The following PTPRE variants were observed in gnomAD, a reference collection of about 807,000 sequenced individuals.
PTPRE encodes receptor-type tyrosine-protein phosphatase epsilon.
A neutral mutation model predicts 102.0 loss-of-function variants in PTPRE; 51 were observed. That is an observed-to-expected ratio of 0.50 (90% CI 0.40 to 0.63). The LOEUF (loss-of-function observed/expected upper bound fraction) is 0.63. Ranked by LOEUF, PTPRE falls within the 30% of genes least tolerant of loss-of-function variation. PTPRE has a pLI of 0.00. For missense variants in PTPRE, 752 were observed against 915.1 expected (o/e 0.82, Z 2.30); for synonymous variants, 345 against 348.2 (o/e 0.99, Z 0.10).
chr10:128,070,818 A>G lies in PTPRE; in HGVS notation c.1304A>G (p.Asn435Ser), dbSNP rs758190068. 5 of 1,613,748 alleles carry G rather than the reference A, an allele frequency of 3.1e-6. No individual in the cohort carries two copies. The highest frequency in any genetic ancestry group is 1.6e-4 in the Middle Eastern group (1 of 6,062). ...GLEEEFRKLT[N>S]VRIMKENMRT... ...CCTTCTCTGCTGCAGAAATTGACAA[A>G]TGTCCGGATCATGAAGGAGAACATG... Residue 435 changes from asparagine to serine, a missense_variant, in exon 15 of 21, where the codon AAT becomes AGT. Around this residue, in one of 2 missense-constraint regions of PTPRE, gnomAD observed 636 missense variants for 824.4 expected, o/e 0.77. Coordinates refer to ENST00000254667, the MANE Select transcript of PTPRE (RefSeq NM_006504.6). The surrounding 1 kb of genome is among the most constrained non-coding windows in gnomAD (Gnocchi z 4.8).
intron 1 of PTPRE, among the ~76,000 whole-genome samples, chr10:127,938,934 G>A (rs774604875): frequency 2.6e-5 from 4 of 152,138 alleles, no homozygotes; most frequent in Admixed American, 1.3e-4. Flanking sequence ...CCAGATCTTC[G>A]CTGAAGCAGG....
chr10:128,071,742 G>A (rs1456944043), intron 15 of PTPRE: 1 of 182,406 alleles, frequency 5.5e-6, no homozygotes, highest in Admixed American at 6.0e-5. Flanking sequence ...AGCACTGCAG[G>A]CGAGTAGAGC....
chr10:127,980,924 G>T (rs745431553), intron 1 of PTPRE, among the ~76,000 whole-genome samples: 122 of 152,268 alleles, frequency 8.0e-4, no homozygotes, highest in Middle Eastern at 3.4e-3. Context: ...ATCAAAACAT[G>T]CTTCCACCCT....
intron 2 of PTPRE, among the ~76,000 whole-genome samples, chr10:128,031,139 G>T (rs1168097046): frequency 3.3e-5 from 5 of 152,232 alleles, no homozygotes; most frequent in Non-Finnish European, 1.5e-5. Flanking sequence ...AAGCCAACCA[G>T]CAGGTACTCT....
intron 1 of PTPRE, among the ~76,000 whole-genome samples, chr10:127,913,800 G>A (rs1213844429): frequency 6.6e-6 from 1 of 152,184 alleles, no homozygotes; most frequent in Non-Finnish European, 1.5e-5. Flanking sequence ...TGGCCTCAGA[G>A]GTGGACACCT....
rs1848047814 is a variant in PTPRE, at chr10:128,045,881, G to A, written c.110-1509G>A. 2.0e-5 allele frequency among the ~76,000 whole-genome samples: 3 copies of A among 152,326 alleles called. No homozygotes were observed. The South Asian group carries it at 6.2e-4, about 32-fold the overall frequency. The stretch of plus-strand genomic sequence containing the variant: ...CCAGGGTCACAGACACCTGAGTGTG[G>A]GGGCTGCAGAGGACAGCCAGGCTGC... On this transcript the variant is annotated intron_variant, in intron 3 of 20. Transcript: ENST00000254667.
chr10:128,082,191 C>T lies in PTPRE; in HGVS notation c.2029-641C>T, dbSNP rs1304683620. 1.8e-4 allele frequency among the ~76,000 whole-genome samples: 10 copies of T among 55,366 alleles called. 1 individual carries two copies. Among genetic ancestry groups the T allele is most frequent in the Admixed American group, 4.2e-4 (2 of 4,748 alleles). The allele number at this position is 55,366 out of a possible 152,430, so 36.3% of individuals were successfully genotyped here. ...AATGTTAGTACTCTGATTTTTTTCTCTTTCTTTTTTTTTTTTTTTTTTTTT... is the reference window on the plus strand; with the variant it reads ...AATGTTAGTACTCTGATTTTTTTCTTTTTCTTTTTTTTTTTTTTTTTTTTT... On this transcript the variant is annotated intron_variant, in intron 20 of 20. Transcript: ENST00000254667.
rs34036600 is a variant in PTPRE, at chr10:128,020,022, C to CTGTGTGTG, written c.-7-20836_-7-20829dup. ...CAAAGGCTTTGCCAGAGGGTGGAGG[C>CTGTGTGTG]TGTGTGTGTGTGTGTGTGTGTGTGC... On this transcript the variant is annotated intron_variant, in intron 2 of 20. Coordinates refer to ENST00000254667, the MANE Select transcript of PTPRE (RefSeq NM_006504.6). Among the ~76,000 whole-genome samples, 372 of 150,806 alleles carry CTGTGTGTG rather than the reference C, an allele frequency of 2.5e-3. 3 individuals are homozygous for CTGTGTGTG. Among genetic ancestry groups the CTGTGTGTG allele is most frequent in the African/African-American group, 8.4e-3 (345 of 41,146 alleles).
chr10:128,031,038 AG>A (rs1014495320), intron 2 of PTPRE, among the ~76,000 whole-genome samples: 2 of 152,226 alleles, frequency 1.3e-5, no homozygotes, highest in African/African-American at 4.8e-5. Context: ...GGAGGGGCCA[AG>A]GGCAGTGTTG....
At chr10:127,962,818 C>T (rs1212958803) in intron 1 of PTPRE, among the ~76,000 whole-genome samples, 1 of 152,248 alleles carries the variant, frequency 6.6e-6, no homozygotes, top group East Asian at 1.9e-4. Flanking sequence ...AGGCAGTCCC[C>T]AGCCCCCGCA....
At chr10:128,076,864 G>A in intron 18 of PTPRE, 136 bp downstream of exon 18, 7 of 1,241,406 alleles carry the variant, frequency 5.6e-6, no homozygotes, top group Non-Finnish European at 7.9e-6. Flanking sequence ...GGCTATGAAT[G>A]GCCAATGGGT....
intron 2 of PTPRE, among the ~76,000 whole-genome samples, 193 bp downstream of exon 2, chr10:127,982,489 C>CGTGTGTGTGTGT (rs59170572): frequency 2.8e-5 from 4 of 142,604 alleles, no homozygotes; most frequent in African/African-American, 5.1e-5. Flanking sequence ...ACATCATTTG[C>CGTGTGTGTGTGT]GTGTGTGTGT....
chr10:128,023,408 GA>G (rs1387586541), intron 2 of PTPRE, among the ~76,000 whole-genome samples: 2 of 151,956 alleles, frequency 1.3e-5, no homozygotes, highest in East Asian at 3.9e-4. Context: ...AGTACGTATA[GA>G]AAACGGCATA....
intron 1 of PTPRE, among the ~76,000 whole-genome samples, chr10:127,957,374 T>C (rs1849480158): frequency 6.6e-6 from 1 of 152,230 alleles, no homozygotes; most frequent in Non-Finnish European, 1.5e-5. Context: ...TTGTTAAACA[T>C]AGTTGACCAT....
At position 127,944,462 on chromosome 10, in the gene PTPRE, G is replaced by A. The variant is rs1848472976; in HGVS notation, c.-31+37153G>A. Among the ~76,000 whole-genome samples, 2 of 143,726 alleles carry A rather than the reference G, an allele frequency of 1.4e-5. No homozygotes were observed. The highest frequency in any genetic ancestry group is 7.2e-5 in the Admixed American group (1 of 13,824). The allele number at this position is 143,726 out of a possible 152,430, so 94.3% of individuals were successfully genotyped here. ...TGGATGGACAGATGGATGGATACAT[G>A]GACAGACGGATGGATGGATGGATGG... On this transcript the variant is annotated intron_variant, in intron 1 of 20. Transcript: ENST00000254667. The surrounding 1 kb of genome is among the most constrained non-coding windows in gnomAD (Gnocchi z 4.2).
chr10:128,029,922 G>A (rs1210064976), intron 2 of PTPRE, among the ~76,000 whole-genome samples: 1 of 152,248 alleles, frequency 6.6e-6, no homozygotes, highest in East Asian at 1.9e-4. Context: ...GTTTTGTAGA[G>A]AGATTGCTCT....
intron 7 of PTPRE, among the ~76,000 whole-genome samples, chr10:128,059,938 GCACACA>G: frequency 6.7e-6 from 1 of 149,484 alleles, no homozygotes; most frequent in South Asian, 2.1e-4. Flanking sequence ...CACACTACAT[GCACACA>G]CACACACACA....
chr10:128,070,725 C>T lies in PTPRE; in HGVS notation c.1294-83C>T. On this transcript the variant is annotated intron_variant, in intron 14 of 20. Transcript: ENST00000254667. The surrounding 1 kb of genome is among the most constrained non-coding windows in gnomAD (Gnocchi z 4.8). ...GGTTTCCTTTGAGCAGGCGTCCTTG[C>T]CAGCAGCACTAGTCCTCGGCTGAGC... 1 of 1,444,060 alleles carries T rather than the reference C, an allele frequency of 6.9e-7. No homozygotes were observed. Among genetic ancestry groups the T allele is most frequent in the Non-Finnish European group, 9.6e-7 (1 of 1,045,296 alleles). The allele number at this position is 1,444,060 out of a possible 1,614,324, so 89.5% of individuals were successfully genotyped here. A position where few individuals can be genotyped will look rare whatever the true frequency, so the allele number is the denominator to read the frequency against.
At chr10:128,014,438 C>T (rs1000588609) in intron 2 of PTPRE, among the ~76,000 whole-genome samples, 4 of 152,084 alleles carry the variant, frequency 2.6e-5, no homozygotes, top group Non-Finnish European at 4.4e-5. Context: ...CGGCGTGTAT[C>T]GAGGGGGACA....
Sources: allele counts gnomAD v4.1 joint callset (sites outside exome capture counted in the v4.1 genomes callset), GRCh38; gene constraint gnomAD v4.1.1; regional missense constraint gnomAD v4.1.1; non-coding constraint Gnocchi (gnomAD v3.1); transcripts MANE v1.5; gene names NCBI Gene and HGNC (gene_info 2026-07-23, HGNC 2026-07-21).